Variants in TUBB8 observed in about 807,000 individuals in gnomAD.
The protein encoded by TUBB8 is tubulin beta-8 chain.
A neutral mutation model predicts 33.7 loss-of-function variants in TUBB8; 25 were observed. The ratio of observed to expected loss-of-function variants is 0.74; its 90% CI spans 0.54 to 1.04. The LOEUF (loss-of-function observed/expected upper bound fraction) is 1.04, where lower values mean the gene tolerates loss of function less well. Ranked by LOEUF, TUBB8 falls within the 50% of genes least tolerant of loss-of-function variation. TUBB8 has a pLI of 0.00. For missense variants in TUBB8, 279 were observed against 608.0 expected (o/e 0.46, Z 5.69); for synonymous variants, 245 against 240.1 (o/e 1.02, Z -0.19).
chr10:74,865 AATTTTTT>A (rs1233505059), upstream of TUBB8, among the ~76,000 whole-genome samples: 6 of 81,284 alleles, frequency 7.4e-5, no homozygotes, highest in South Asian at 4.2e-4. Context: ...TGTCTGTGCC[AATTTTTT>A]TTTTTTTTTT....
chr10:72,533 G>T (rs1474199107), intron 1 of TUBB8, among the ~76,000 whole-genome samples: 1 of 152,144 alleles, frequency 6.6e-6, no homozygotes, highest in Non-Finnish European at 1.5e-5. Flanking sequence ...AGTCCAGCCT[G>T]GGCGACAAAG....
upstream of TUBB8, among the ~76,000 whole-genome samples, chr10:51,323 G>C (rs1834466371): frequency 6.6e-6 from 1 of 152,110 alleles, no homozygotes; most frequent in Non-Finnish European, 1.5e-5. Flanking sequence ...CGGCCAGGCT[G>C]GCCTCAATCT....
chr10:67,072 A>G (rs190070666), intron 1 of TUBB8, among the ~76,000 whole-genome samples: 184 of 152,172 alleles, frequency 1.2e-3, no homozygotes, highest in African/African-American at 4.2e-3. Flanking sequence ...TACCAGAATC[A>G]TGTTGATTTT....
rs189206149 is a variant in TUBB8, at chr10:48,883, G to A, written c.87C>T (p.Ala29=). Residue 29 remains alanine (A), a synonymous_variant, in exon 2 of 4, where the codon GCC becomes GCT. Transcript: ENST00000568584. ...KFWEVISDEH[A]IDSAGTYHGD... ...CGTGGTAGGTGCCAGCGGAGTCGAT[G>A]GCATGTTCATCAGAGATCACCTCCC... The A allele has an allele frequency of 8.2e-4, 1,283 of 1,562,216 alleles. No homozygotes were observed. The highest frequency in any genetic ancestry group is 1.4e-3 in the Admixed American group (71 of 52,538).
chr10:54,204 C>A (rs1442141576), upstream of TUBB8, among the ~76,000 whole-genome samples: 3 of 152,100 alleles, frequency 2.0e-5, no homozygotes, highest in Non-Finnish European at 2.9e-5. Context: ...CCCTTCCCAG[C>A]CTCTGGTAAC....
chr10:70,243 T>G (rs567844709), intron 1 of TUBB8, among the ~76,000 whole-genome samples: 39 of 148,624 alleles, frequency 2.6e-4, no homozygotes, highest in Admixed American at 3.4e-4. Context: ...AACTAATAAG[T>G]ATATTTTGTT....
chr10:73,024 CATGTCAAAGCTTG>C (rs1834758704), intron 1 of TUBB8, among the ~76,000 whole-genome samples: 1 of 151,676 alleles, frequency 6.6e-6, no homozygotes, highest in Admixed American at 6.6e-5. Flanking sequence ...TTTATGGTAT[CATGTCAAAGCTTG>C]ATATAGTTAA....
intron 1 of TUBB8, among the ~76,000 whole-genome samples, chr10:57,132 T>C (rs1218257826): frequency 2.6e-5 from 4 of 152,256 alleles, no homozygotes; most frequent in Admixed American, 1.3e-4. Flanking sequence ...CTATGTCCCA[T>C]TTCCAGGGCA....
At chr10:70,672 T>C (rs1834725056) in intron 1 of TUBB8, among the ~76,000 whole-genome samples, 1 of 151,594 alleles carries the variant, frequency 6.6e-6, no homozygotes, top group Non-Finnish European at 1.5e-5. Context: ...AAACCCAGTC[T>C]CTACTAAAAA....
chr10:48,470 G>T, intron 3 of TUBB8, 145 bp downstream of exon 3: 1 of 787,396 alleles, frequency 1.3e-6, no homozygotes, highest in Non-Finnish European at 2.2e-6. Context: ...ATTTAGGAGA[G>T]GCAGATTGAG....
At chr10:57,751 C>A (rs1201982553) in intron 1 of TUBB8, among the ~76,000 whole-genome samples, 2 of 152,288 alleles carry the variant, frequency 1.3e-5, no homozygotes, top group African/African-American at 4.8e-5. Context: ...TGGGGGGCTG[C>A]CTTTTAGATT....
chr10:51,285 T>C (rs1468042913), upstream of TUBB8, among the ~76,000 whole-genome samples: 1 of 152,186 alleles, frequency 6.6e-6, no homozygotes, highest in Non-Finnish European at 1.5e-5. Context: ...ATTTTTCTAC[T>C]TTTAGTATAG....
At chr10:72,078 A>T (rs1454453446) in intron 1 of TUBB8, among the ~76,000 whole-genome samples, 1 of 151,914 alleles carries the variant, frequency 6.6e-6, no homozygotes, top group East Asian at 1.9e-4. Flanking sequence ...ATACAAAATT[A>T]GCCAGGCATT....
chr10:56,023 G>A (rs1159287453), intron 1 of TUBB8, among the ~76,000 whole-genome samples: 1 of 152,198 alleles, frequency 6.6e-6, no homozygotes. Context: ...TGTGAGGAAT[G>A]TCATTGTTAT....
chr10:48,239 C>T (rs1202012986), intron 3 of TUBB8, 125 bp from the exon 4 acceptor site: 21 of 1,040,958 alleles, frequency 2.0e-5, no homozygotes, highest in African/African-American at 3.2e-5. Flanking sequence ...GCAGGTGGAG[C>T]AGATGAAACC....
upstream of TUBB8, among the ~76,000 whole-genome samples, chr10:53,572 A>G (rs1315462293): frequency 2.6e-5 from 4 of 152,306 alleles, no homozygotes; most frequent in African/African-American, 9.6e-5. Flanking sequence ...AACCAAAACA[A>G]ATTTAGTAAG....
chr10:55,123 A>G (rs1157958693), intron 1 of TUBB8, among the ~76,000 whole-genome samples: 4 of 152,234 alleles, frequency 2.6e-5, no homozygotes, highest in African/African-American at 9.6e-5. Context: ...GGGAGGCCTC[A>G]GGAAACTTAC....
chr10:55,678 G>C (rs1834521589), intron 1 of TUBB8, among the ~76,000 whole-genome samples: 2 of 152,224 alleles, frequency 1.3e-5, no homozygotes, highest in African/African-American at 2.4e-5. Flanking sequence ...GCAAGAAATA[G>C]GGTTCCAGTT....
upstream of TUBB8, among the ~76,000 whole-genome samples, chr10:53,693 GGACT>G (rs1235715089): frequency 4.6e-5 from 7 of 152,290 alleles, no homozygotes; most frequent in Non-Finnish European, 7.3e-5. Context: ...TTCCCTGCAG[GGACT>G]GACTGACTGA....
Sources: gnomAD v4.1 joint callset for allele counts (sites outside exome capture counted in the v4.1 genomes callset) on GRCh38, gnomAD v4.1.1 for gene constraint, MANE v1.5 for transcripts, NCBI Gene and HGNC (gene_info 2026-07-23, HGNC 2026-07-21) for gene names.